Variants in KCNN2 observed in about 807,000 individuals in gnomAD.
KCNN2 encodes the protein small conductance calcium-activated potassium channel protein 2.
A neutral mutation model predicts 55.5 loss-of-function variants in KCNN2; 24 were observed. The observed-to-expected ratio is 0.43, with a 90% CI of 0.31 to 0.61. The LOEUF is 0.61. Among genes scored for constraint, KCNN2 ranks in the 20% least tolerant of loss-of-function variants. The pLI, the probability that KCNN2 is intolerant of heterozygous loss-of-function variation, is 0.08. For missense variants in KCNN2, 754 were observed against 853.6 expected (o/e 0.88, Z 1.45); for synonymous variants, 431 against 336.1 (o/e 1.28, Z -3.09).
chr5:114,320,402 A>T (rs1000376179), intron 2 of KCNN2, among the ~76,000 whole-genome samples: 1 of 152,058 alleles, frequency 6.6e-6, no homozygotes, highest in Non-Finnish European at 1.5e-5. Context: ...TCATGAGGTC[A>T]GGAGATCAAG....
intron 2 of KCNN2, among the ~76,000 whole-genome samples, chr5:114,348,006 C>G (rs1757142261): frequency 6.6e-6 from 1 of 152,156 alleles, no homozygotes; most frequent in Non-Finnish European, 1.5e-5. Flanking sequence ...GCTAACTACA[C>G]AGTGCCTGCC....
intron 2 of KCNN2, among the ~76,000 whole-genome samples, chr5:114,271,911 A>G (rs1470485265): frequency 1.3e-5 from 2 of 152,124 alleles, no homozygotes; most frequent in African/African-American, 2.4e-5. Flanking sequence ...CTAAGGTCCT[A>G]GGGAGGAACT....
chr5:114,450,558 A>G (rs574248779), intron 3 of KCNN2, among the ~76,000 whole-genome samples: 13 of 152,220 alleles, frequency 8.5e-5, no homozygotes, highest in Non-Finnish European at 1.6e-4. Context: ...CAGGGGCTTG[A>G]GAATATAATT....
chr5:114,449,842 C>G (rs1019740577), intron 3 of KCNN2, among the ~76,000 whole-genome samples: 5 of 151,036 alleles, frequency 3.3e-5, no homozygotes, highest in African/African-American at 1.2e-4. Flanking sequence ...GATCTGCTAC[C>G]TTAGATTGGA....
rs186058466 is a variant in KCNN2, at chr5:114,219,560, T to G, written c.-270-1920T>G. 4.6e-5 allele frequency among the ~76,000 whole-genome samples: 7 copies of G among 152,256 alleles called. No individual in the cohort carries two copies. The East Asian group carries it at 1.4e-3, about 30-fold the overall frequency. ...TCCCTCTGAAGTCAGGTTGCTTCTC[T>G]CCAATGTCCAGCTGTAATCTCATCT... On this transcript the variant is annotated intron_variant, in intron 1 of 10. Coordinates refer to the KCNN2 transcript ENST00000512097.
intron 1 of KCNN2, among the ~76,000 whole-genome samples, chr5:114,121,819 A>G (rs1482743378): frequency 1.3e-5 from 2 of 152,128 alleles, no homozygotes; most frequent in Admixed American, 6.5e-5. Context: ...CCCCATGGAA[A>G]CACTCCTTTT....
At chr5:114,489,693 A>C (rs1445301158) in intron 6 of KCNN2, among the ~76,000 whole-genome samples, 2 of 152,146 alleles carry the variant, frequency 1.3e-5, no homozygotes, top group African/African-American at 4.8e-5. Flanking sequence ...AATCATGCAT[A>C]CTTACCTTTC....
chr5:114,454,255 A>G (rs912544426), intron 3 of KCNN2, among the ~76,000 whole-genome samples: 6 of 152,048 alleles, frequency 3.9e-5, no homozygotes, highest in African/African-American at 1.2e-4. Flanking sequence ...ACATCATCTC[A>G]GGTTTGTTCT....
At chr5:114,182,739 T>C (rs185227326) in intron 1 of KCNN2, among the ~76,000 whole-genome samples, 1 of 152,268 alleles carries the variant, frequency 6.6e-6, no homozygotes, top group Admixed American at 6.5e-5. Context: ...CCAAATTTGC[T>C]AAATTCATCA....
At chr5:114,269,597 A>G (rs114967957) in intron 2 of KCNN2, among the ~76,000 whole-genome samples, 12,360 of 151,974 alleles carry the variant, frequency 0.081, 616 homozygotes, top group African/African-American at 0.14. Flanking sequence ...CATGCAAACA[A>G]ACTCCAACTA....
At chr5:114,151,922 A>G (rs1752537406) in intron 1 of KCNN2, among the ~76,000 whole-genome samples, 1 of 152,218 alleles carries the variant, frequency 6.6e-6, no homozygotes, top group Non-Finnish European at 1.5e-5. Context: ...CTGTACCTTT[A>G]TAGATAAAAA....
At chr5:114,109,936 T>C (rs1006709736) in intron 1 of KCNN2, among the ~76,000 whole-genome samples, 2 of 151,998 alleles carry the variant, frequency 1.3e-5, no homozygotes, top group Admixed American at 1.3e-4. Flanking sequence ...GTGATGGTAG[T>C]AAGAGGTGGG....
chr5:114,465,635 G>A (rs61514079), intron 4 of KCNN2, among the ~76,000 whole-genome samples: 8,379 of 151,602 alleles, frequency 0.055, 762 homozygotes, highest in African/African-American at 0.19. Flanking sequence ...AAAAGAGAGA[G>A]GTTATAGTAC....
At chr5:114,406,005 A>G (rs539542854) in intron 3 of KCNN2, among the ~76,000 whole-genome samples, 2 of 150,988 alleles carry the variant, frequency 1.3e-5, no homozygotes, top group East Asian at 3.9e-4. Flanking sequence ...CCACCGCACC[A>G]GGCCGAATAT....
intron 3 of KCNN2, among the ~76,000 whole-genome samples, chr5:114,456,908 A>G (rs1760950499): frequency 1.3e-5 from 2 of 152,212 alleles, no homozygotes; most frequent in Non-Finnish European, 2.9e-5. Flanking sequence ...TTTGCTTCCT[A>G]TGGATCAGCA....
chr5:114,363,080 G>A lies in KCNN2; in HGVS notation c.941G>A (p.Gly314Asp), dbSNP rs1318736958. 1.2e-6 allele frequency: 2 copies of A among 1,610,888 alleles called. No homozygotes were observed. The highest frequency in any genetic ancestry group is 1.3e-5 in the African/African-American group (1 of 75,032). The change falls in exon 1 of 8, where the codon GGC becomes GAC. Residue 314 changes from glycine (G) to aspartate (D), a missense_variant. By Grantham distance (94) the Gly-to-Asp change is moderately conservative. This residue lies in a region of KCNN2 where 381 missense variants were observed against 259.1 expected (regional missense o/e 1.47). Coordinates refer to ENST00000673685, the MANE Select transcript of KCNN2 (RefSeq NM_021614.4). ...GGGGGGGSGH[G>D]SSSGTKSSKK... is the part of the protein sequence containing the mutation. The stretch of plus-strand genomic sequence containing the variant: ...GGCGGCGGTGGCGGGAGCGGGCACG[G>A]CAGCAGCAGTGGCACCAAGTCCAGC...
intron 1 of KCNN2, among the ~76,000 whole-genome samples, chr5:114,220,126 C>T (rs76447948): frequency 0.067 from 10,173 of 152,104 alleles, 1,105 homozygotes; most frequent in African/African-American, 0.23. Flanking sequence ...GAAAAACTGG[C>T]CGTGTAAAAC....
chr5:114,396,752 G>A (rs1019522231), intron 2 of KCNN2, among the ~76,000 whole-genome samples: 2 of 151,974 alleles, frequency 1.3e-5, no homozygotes, highest in Admixed American at 6.5e-5. Context: ...TCATCATGTT[G>A]GCCAGGATGG....
chr5:114,459,029 G>C (rs1761069256), intron 3 of KCNN2, among the ~76,000 whole-genome samples: 1 of 152,226 alleles, frequency 6.6e-6, no homozygotes, highest in East Asian at 1.9e-4. Flanking sequence ...TAACTTCTGT[G>C]AACTTTGACA....
Sources: allele counts gnomAD v4.1 joint callset (sites outside exome capture counted in the v4.1 genomes callset), GRCh38; gene constraint gnomAD v4.1.1; regional missense constraint gnomAD v4.1.1; transcripts MANE v1.5; gene names NCBI Gene and HGNC (gene_info 2026-07-23, HGNC 2026-07-21).